SEMA6D: variants seen among roughly 807,000 people sequenced by gnomAD.
SEMA6D encodes the protein semaphorin 6D, also known as semaphorin-6D.
A neutral mutation model predicts 106.6 loss-of-function variants in SEMA6D; 35 were observed. The observed-to-expected ratio is 0.33, with a 90% CI of 0.25 to 0.44. The LOEUF is 0.44. SEMA6D is among the 20% of genes least tolerant of loss of function. The probability of loss-of-function intolerance (pLI) is 1.00; values close to 1 mark genes in which losing one functional copy is unlikely to be tolerated. For missense variants in SEMA6D, 1,185 were observed against 1,345.9 expected, an observed-to-expected ratio of 0.88 and a Z score of 1.87; for synonymous variants, 499 against 487.7, an observed-to-expected ratio of 1.02 and a Z score of -0.31.
intron 4 of SEMA6D, among the ~76,000 whole-genome samples, chr15:47,621,546 C>T (rs1319131285): frequency 6.6e-6 from 1 of 152,068 alleles, no homozygotes; most frequent in African/African-American, 2.4e-5. Context: ...TCCGGGGTCC[C>T]CAGAGTGCCT....
At chr15:47,536,015 A>G (rs1301421983) in intron 3 of SEMA6D, among the ~76,000 whole-genome samples, 1 of 152,200 alleles carries the variant, frequency 6.6e-6, no homozygotes, top group African/African-American at 2.4e-5. Flanking sequence ...CTCAAATGCT[A>G]TGCTGTAGGA....
rs189494318 is a variant in SEMA6D, at chr15:47,220,255, C to T, written c.-239+35837C>T. ...GGAGCCCTTTCTGCAAGCGATAAACCGAAACTTCCTCTTTATTGCTGTTCT... is the reference window on the plus strand; with the variant it reads ...GGAGCCCTTTCTGCAAGCGATAAACTGAAACTTCCTCTTTATTGCTGTTCT... On this transcript the variant is annotated intron_variant, in intron 1 of 19. Transcript: ENST00000558014. Among the ~76,000 whole-genome samples, 599 of 152,276 alleles carry T rather than the reference C, an allele frequency of 3.9e-3. 6 individuals carry two copies. The highest frequency in any genetic ancestry group is 0.013 in the African/African-American group (546 of 41,546).
chr15:47,206,576 A>C (rs1365413049), intron 1 of SEMA6D, among the ~76,000 whole-genome samples: 1 of 152,050 alleles, frequency 6.6e-6, no homozygotes, highest in African/African-American at 2.4e-5. Context: ...TCGCATTTGC[A>C]CTACATTTCC....
chr15:47,413,958 A>G (rs2040880045), intron 2 of SEMA6D, among the ~76,000 whole-genome samples: 1 of 152,184 alleles, frequency 6.6e-6, no homozygotes, highest in Admixed American at 6.6e-5. Flanking sequence ...TTCAGCATTC[A>G]TATTTAGTCC....
intron 1 of SEMA6D, among the ~76,000 whole-genome samples, chr15:47,294,153 T>C (rs2035706475): frequency 6.6e-6 from 1 of 151,502 alleles, no homozygotes; most frequent in African/African-American, 2.4e-5. Flanking sequence ...ACCTTACAGT[T>C]CCGAAGGAAA....
chr15:47,646,758 G>T (rs1376958610), intron 4 of SEMA6D, among the ~76,000 whole-genome samples: 1 of 152,164 alleles, frequency 6.6e-6, no homozygotes, highest in Non-Finnish European at 1.5e-5. Context: ...CATAGGACTG[G>T]ATTTATGTAT....
chr15:47,406,778 C>CAAA (rs36102863), intron 1 of SEMA6D, among the ~76,000 whole-genome samples: 1 of 111,790 alleles, frequency 8.9e-6, no homozygotes, highest in Non-Finnish European at 1.8e-5. Flanking sequence ...TTCTCACCAC[C>CAAA]AAAAAAAAAA....
intron 1 of SEMA6D, among the ~76,000 whole-genome samples, chr15:47,749,816 G>A (rs1042134853): frequency 9.2e-5 from 14 of 152,092 alleles, no homozygotes; most frequent in Admixed American, 4.6e-4. Flanking sequence ...CTAGAGACCC[G>A]GAATGGAACT....
chr15:47,581,281 G>A, intron 3 of SEMA6D: 1 of 474,314 alleles, frequency 2.1e-6, no homozygotes, highest in Non-Finnish European at 4.2e-6. Flanking sequence ...TAAGTCCTGT[G>A]GTTTACATTG....
chr15:47,734,216 TACTC>T (rs896660199), intron 1 of SEMA6D, among the ~76,000 whole-genome samples: 3 of 152,238 alleles, frequency 2.0e-5, no homozygotes, highest in Admixed American at 1.3e-4. Flanking sequence ...AGAAGCATCT[TACTC>T]ACTCACTTAT....
rs560206924 is a variant in SEMA6D at position 47,719,345 on chromosome 15, G to T, written c.-55+1653G>T. Among the ~76,000 whole-genome samples the T allele has an allele frequency of 2.6e-5, 4 of 152,256 alleles. No homozygotes were observed. The South Asian group carries it at 8.3e-4, about 32-fold the overall frequency. On this transcript the variant is annotated intron_variant, in intron 1 of 18. Coordinates refer to ENST00000536845, the MANE Select transcript of SEMA6D (RefSeq NM_001358351.3). ...TCGTTACTATAGATATATAGACTTC[G>T]TCAACAGTCATTGGACCTTATGTCT...
At chr15:47,239,775 G>A (rs2032789395) in intron 1 of SEMA6D, among the ~76,000 whole-genome samples, 2 of 152,156 alleles carry the variant, frequency 1.3e-5, no homozygotes, top group Non-Finnish European at 2.9e-5. Context: ...CAGGGTTGCT[G>A]TGATGATTAC....
intron 4 of SEMA6D, among the ~76,000 whole-genome samples, chr15:47,708,139 GCTGT>G (rs1293163953): frequency 6.6e-6 from 1 of 152,154 alleles, no homozygotes; most frequent in Non-Finnish European, 1.5e-5. Context: ...CAGCTTGAGA[GCTGT>G]CTCTCACTCA....
intron 4 of SEMA6D, among the ~76,000 whole-genome samples, chr15:47,687,477 T>C (rs2078494355): frequency 6.6e-6 from 1 of 152,054 alleles, no homozygotes; most frequent in Non-Finnish European, 1.5e-5. Flanking sequence ...AGATTTGGAA[T>C]TAGCTAAGTG....
At chr15:47,516,964 G>T (rs1393436009) in intron 3 of SEMA6D, among the ~76,000 whole-genome samples, 4 of 152,156 alleles carry the variant, frequency 2.6e-5, no homozygotes, top group African/African-American at 7.2e-5. Context: ...TGACAGATGT[G>T]CTGAACTGAA....
intron 1 of SEMA6D, among the ~76,000 whole-genome samples, chr15:47,407,388 C>CAAAAAAAAAA (rs2040617013): frequency 1.3e-5 from 1 of 79,268 alleles, no homozygotes; most frequent in Non-Finnish European, 2.7e-5. Flanking sequence ...AAAAAAAAAA[C>CAAAAAAAAAA]CAAAACAACA....
chr15:47,737,891 C>T (rs141332653), intron 1 of SEMA6D, among the ~76,000 whole-genome samples: 15 of 152,208 alleles, frequency 9.9e-5, no homozygotes, highest in East Asian at 1.9e-4. Flanking sequence ...TACTAATTTA[C>T]CCTGCCATGT....
chr15:47,760,626 G>T (rs750282002), intron 3 of SEMA6D, among the ~76,000 whole-genome samples: 4 of 151,490 alleles, frequency 2.6e-5, no homozygotes, highest in Non-Finnish European at 4.4e-5. Context: ...CTGCCATCAA[G>T]AAATCATACA....
At chr15:47,298,007 A>G (rs2035871824) in intron 1 of SEMA6D, among the ~76,000 whole-genome samples, 1 of 152,234 alleles carries the variant, frequency 6.6e-6, no homozygotes, top group Admixed American at 6.5e-5. Context: ...TGATCCTTAT[A>G]GCCTGCAGTA....
Sources: allele counts gnomAD v4.1 joint callset (sites outside exome capture counted in the v4.1 genomes callset), GRCh38; gene constraint gnomAD v4.1.1; transcripts MANE v1.5; gene names NCBI Gene and HGNC (gene_info 2026-07-23, HGNC 2026-07-21).